Variants in BARD1 observed in about 807,000 individuals in gnomAD.
BARD1 encodes the protein BRCA1-associated RING domain protein 1.
Under a neutral mutation model 77.0 loss-of-function variants are expected in BARD1, and 73 were observed. That is an observed-to-expected ratio of 0.95 (90% CI 0.79 to 1.15). The LOEUF (loss-of-function observed/expected upper bound fraction) is 1.15, where lower values mean the gene tolerates loss of function less well. BARD1 is among the 50% of genes most tolerant of loss of function. The pLI is 0.00. For missense variants in BARD1, 993 were observed against 938.8 expected (o/e 1.06, Z -0.75); for synonymous variants, 384 against 338.0 (o/e 1.14, Z -1.49).
At chr2:214,796,947 G>T in intron 2 of BARD1, 114 bp downstream of exon 2, 1 of 862,194 alleles carries the variant, frequency 1.2e-6, no homozygotes. Flanking sequence ...AGGTTACTTT[G>T]CAGACTTTGA....
chr2:214,771,428 T>C (rs1694482266), intron 4 of BARD1, among the ~76,000 whole-genome samples: 1 of 152,166 alleles, frequency 6.6e-6, no homozygotes, highest in East Asian at 1.9e-4. Context: ...GATTTTTTTT[T>C]CTTTTTAAAA....
intron 4 of BARD1, among the ~76,000 whole-genome samples, 167 bp from the exon 5 acceptor site, chr2:214,769,479 C>T (rs1418450457): frequency 6.6e-6 from 1 of 152,184 alleles, no homozygotes; most frequent in East Asian, 1.9e-4. Flanking sequence ...TGGTGGCTCA[C>T]GCCTGTAATC....
intron 9 of BARD1, among the ~76,000 whole-genome samples, chr2:214,737,461 A>C (rs1692617126): frequency 6.6e-6 from 1 of 152,076 alleles, no homozygotes; most frequent in South Asian, 2.1e-4. Flanking sequence ...AGTTGGATCA[A>C]TGTGCTTACT....
intron 9 of BARD1, among the ~76,000 whole-genome samples, chr2:214,742,846 C>T (rs57197150): frequency 0.056 from 8,558 of 152,194 alleles, 288 homozygotes; most frequent in African/African-American, 0.1. Flanking sequence ...TTTATTACTG[C>T]GACCTTACTA....
At chr2:214,780,172 G>A (rs929379672) in intron 4 of BARD1, among the ~76,000 whole-genome samples, 2 of 152,104 alleles carry the variant, frequency 1.3e-5, no homozygotes, top group Non-Finnish European at 2.9e-5. Context: ...GAATTTGGAT[G>A]GTAAATATGG....
Position 214,767,572 on chromosome 2 carries a change from T to C in BARD1, c.1478A>G (p.Gln493Arg). The change falls in exon 6 of 11, where the codon CAA (glutamine) becomes CGA (arginine). Residue 493 changes from glutamine to arginine, a missense_variant. Coordinates refer to ENST00000260947, the MANE Select transcript of BARD1 (RefSeq NM_000465.4). ...TGCATCGTGAAGTGGTGAGTCATTTTGATACCCGGTGGTGTTCACCAATGC... is the reference window on the plus strand; with the variant it reads ...TGCATCGTGAAGTGGTGAGTCATTTCGATACCCGGTGGTGTTCACCAATGC... ...HKALVNTTGYQNDSPLHDAAK... is the reference protein window; with the variant it reads ...HKALVNTTGYRNDSPLHDAAK... 2 of 1,614,106 alleles carry C rather than the reference T, an allele frequency of 1.2e-6. No homozygotes were observed. Among genetic ancestry groups the C allele is most frequent in the Non-Finnish European group, 1.7e-6 (2 of 1,179,956 alleles).
At chr2:214,804,990 G>GAT (rs1696202632) in intron 1 of BARD1, among the ~76,000 whole-genome samples, 2 of 152,026 alleles carry the variant, frequency 1.3e-5, no homozygotes, top group Non-Finnish European at 2.9e-5. Flanking sequence ...GTGAAACCCC[G>GAT]TGTCTACTAA....
intron 1 of BARD1, among the ~76,000 whole-genome samples, chr2:214,799,845 C>T (rs1695937290): frequency 6.6e-6 from 1 of 152,188 alleles, no homozygotes; most frequent in African/African-American, 2.4e-5. Flanking sequence ...GCTTTAACTC[C>T]CTCCACTCTG....
At chr2:214,771,072 T>C (rs1416849360) in intron 4 of BARD1, among the ~76,000 whole-genome samples, 1 of 152,232 alleles carries the variant, frequency 6.6e-6, no homozygotes, top group Non-Finnish European at 1.5e-5. Flanking sequence ...AGGAGGCATT[T>C]ATGCAGCGGG....
At chr2:214,805,754 A>C (rs1696240057) in intron 1 of BARD1, among the ~76,000 whole-genome samples, 2 of 151,438 alleles carry the variant, frequency 1.3e-5, no homozygotes, top group South Asian at 4.2e-4. Flanking sequence ...ATCATCTCCT[A>C]AACAAGAACT....
At chr2:214,761,989 C>G (rs533692025) in intron 6 of BARD1, among the ~76,000 whole-genome samples, 3 of 152,066 alleles carry the variant, frequency 2.0e-5, no homozygotes, top group Non-Finnish European at 4.4e-5. Flanking sequence ...TCCTATATAT[C>G]AAGAATAACA....
In BARD1 at chr2:214,727,753, A is replaced by G. The variant is rs1050662237; in HGVS notation, c.*923T>C. The G allele has an allele frequency of 4.4e-6, 1 of 227,982 alleles. No individual in the cohort carries two copies. 14.1% of individuals were successfully genotyped at this position (227,982 alleles called of 1,614,324 possible). On this transcript the variant is annotated 3_prime_UTR_variant, in exon 11 of 11. Transcript: ENST00000260947. The stretch of plus-strand genomic sequence containing the variant: ...TGCCAACCTAAAAACTTTAAAAAAA[A>G]CCTTTTCCTTTTACAAAGGAAGAAA...
chr2:214,740,322 A>T (rs1692762053), intron 9 of BARD1, among the ~76,000 whole-genome samples: 1 of 152,064 alleles, frequency 6.6e-6, no homozygotes, highest in Non-Finnish European at 1.5e-5. Flanking sequence ...ATTAAGACCA[A>T]AGCCCTTCCC....
chr2:214,749,884 T>C (rs1257253205), intron 7 of BARD1, among the ~76,000 whole-genome samples: 1 of 152,088 alleles, frequency 6.6e-6, no homozygotes, highest in Non-Finnish European at 1.5e-5. Flanking sequence ...TGCTGATTTC[T>C]AGCTTCTCTT....
chr2:214,768,378 G>A (rs544970928), intron 5 of BARD1, among the ~76,000 whole-genome samples: 81 of 152,212 alleles, frequency 5.3e-4, no homozygotes, highest in Non-Finnish European at 5.9e-5. Context: ...TCCAAACTAG[G>A]CACTAAACCC....
At chr2:214,800,040 C>G (rs1289872405) in intron 1 of BARD1, among the ~76,000 whole-genome samples, 1 of 152,204 alleles carries the variant, frequency 6.6e-6, no homozygotes, top group Non-Finnish European at 1.5e-5. Flanking sequence ...AGGCATACCC[C>G]CAGGATGCAG....
chr2:214,729,390 G>C (rs1692250487), intron 10 of BARD1, among the ~76,000 whole-genome samples: 1 of 152,184 alleles, frequency 6.6e-6, no homozygotes, highest in African/African-American at 2.4e-5. Context: ...AGCTCAAAAA[G>C]TTTTGGATTT....
At chr2:214,798,488 C>T (rs1260574528) in intron 1 of BARD1, among the ~76,000 whole-genome samples, 1 of 152,098 alleles carries the variant, frequency 6.6e-6, no homozygotes, top group African/African-American at 2.4e-5. Flanking sequence ...TGGCAAGCTC[C>T]TCCTATCATA....
intron 3 of BARD1, among the ~76,000 whole-genome samples, chr2:214,785,826 G>A (rs763939816): frequency 6.6e-6 from 1 of 151,976 alleles, no homozygotes; most frequent in Admixed American, 6.6e-5. Context: ...ATGATTTCAT[G>A]CTGCCTGACA....
Sources: gnomAD v4.1 joint callset for allele counts (sites outside exome capture counted in the v4.1 genomes callset) on GRCh38, gnomAD v4.1.1 for gene constraint, MANE v1.5 for transcripts, NCBI Gene and HGNC (gene_info 2026-07-23, HGNC 2026-07-21) for gene names.